Variants in MACROD2 observed in about 807,000 individuals in gnomAD.
MACROD2 encodes ADP-ribose glycohydrolase MACROD2.
Under a neutral mutation model 70.4 loss-of-function variants are expected in MACROD2, and 36 were observed. The observed-to-expected ratio is 0.51, with a 90% CI of 0.39 to 0.68. The LOEUF (loss-of-function observed/expected upper bound fraction) is 0.68, where lower values mean the gene tolerates loss of function less well. Among genes scored for constraint, MACROD2 ranks in the 30% least tolerant of loss-of-function variants. The pLI is 0.00. For missense variants in MACROD2, 496 were observed against 538.4 expected (o/e 0.92, Z 0.78); for synonymous variants, 172 against 178.8 (o/e 0.96, Z 0.30).
At chr20:15,478,908 G>A (rs569859326) in intron 7 of MACROD2, among the ~76,000 whole-genome samples, 8 of 152,278 alleles carry the variant, frequency 5.3e-5, no homozygotes, top group East Asian at 1.9e-4. Context: ...GTCCTGCTGC[G>A]TGACCAATCT....
intron 5 of MACROD2, among the ~76,000 whole-genome samples, chr20:14,760,512 G>A (rs2072002233): frequency 6.6e-6 from 1 of 151,934 alleles, no homozygotes; most frequent in Admixed American, 6.6e-5. Context: ...TATTATTACT[G>A]AACACAGTCC....
chr20:15,164,074 AT>A (rs1279955117), intron 5 of MACROD2, among the ~76,000 whole-genome samples: 1 of 152,134 alleles, frequency 6.6e-6, no homozygotes, highest in African/African-American at 2.4e-5. Context: ...GAAAATAACA[AT>A]TGTTATTTCG....
intron 3 of MACROD2, among the ~76,000 whole-genome samples, chr20:14,378,098 G>C (rs957604972): frequency 6.6e-6 from 1 of 152,178 alleles, no homozygotes; most frequent in Non-Finnish European, 1.5e-5. Context: ...CTTATTGAAA[G>C]ACAAATTGCT....
intron 8 of MACROD2, among the ~76,000 whole-genome samples, chr20:15,509,096 A>AT (rs2047465687): frequency 6.6e-6 from 1 of 152,196 alleles, no homozygotes; most frequent in Non-Finnish European, 1.5e-5. Flanking sequence ...AACCTGTGCT[A>AT]TGTTGAACCA....
intron 2 of MACROD2, among the ~76,000 whole-genome samples, chr20:14,042,671 T>C (rs2053409300): frequency 6.6e-6 from 1 of 152,182 alleles, no homozygotes; most frequent in South Asian, 2.1e-4. Flanking sequence ...AGTTAATTTT[T>C]GTATTTTTAG....
intron 7 of MACROD2, among the ~76,000 whole-genome samples, chr20:15,464,625 T>C (rs2046861420): frequency 6.6e-6 from 1 of 152,210 alleles, no homozygotes; most frequent in African/African-American, 2.4e-5. Flanking sequence ...TGCCTTAGCT[T>C]TATCCCACTC....
intron 5 of MACROD2, among the ~76,000 whole-genome samples, chr20:14,727,796 C>T (rs1288669121): frequency 6.6e-6 from 1 of 152,092 alleles, no homozygotes; most frequent in Non-Finnish European, 1.5e-5. Context: ...AGGGATTGCT[C>T]CTGGAAGCTC....
chr20:14,211,339 AG>A (rs1196414676), intron 3 of MACROD2, among the ~76,000 whole-genome samples: 2 of 152,076 alleles, frequency 1.3e-5, no homozygotes, highest in African/African-American at 2.4e-5. Flanking sequence ...GAAAATCAAA[AG>A]TTTTTTTTTT....
At chr20:14,754,953 A>G (rs1473744831) in intron 5 of MACROD2, among the ~76,000 whole-genome samples, 1 of 152,004 alleles carries the variant, frequency 6.6e-6, no homozygotes, top group Non-Finnish European at 1.5e-5. Flanking sequence ...TTAAGGTCTC[A>G]TGACCCTAAA....
At chr20:15,005,023 C>T (rs907292275) in intron 5 of MACROD2, among the ~76,000 whole-genome samples, 6 of 152,050 alleles carry the variant, frequency 3.9e-5, no homozygotes, top group African/African-American at 7.2e-5. Flanking sequence ...GGTGGAACAA[C>T]AATGTATTCA....
At chr20:15,698,019 CT>C (rs1347915981) in intron 8 of MACROD2, among the ~76,000 whole-genome samples, 1 of 152,160 alleles carries the variant, frequency 6.6e-6, no homozygotes, top group African/African-American at 2.4e-5. Context: ...CTGCAGTTCT[CT>C]GTCTTTCAAG....
At chr20:15,726,139 T>G (rs1299766564) in intron 8 of MACROD2, among the ~76,000 whole-genome samples, 1 of 152,138 alleles carries the variant, frequency 6.6e-6, no homozygotes, top group African/African-American at 2.4e-5. Context: ...TGACCATGTG[T>G]GTTAAATGTT....
intron 8 of MACROD2, among the ~76,000 whole-genome samples, chr20:15,723,310 G>T (rs576048219): frequency 6.6e-6 from 1 of 152,014 alleles, no homozygotes; most frequent in Non-Finnish European, 1.5e-5. Context: ...AAAATACATA[G>T]CTTACATTAG....
rs1371516866 is a variant in MACROD2 at position 16,051,385 on chromosome 20, T to G, written c.*1509T>G. 2 of 152,212 alleles carry G rather than the reference T, an allele frequency of 1.3e-5. No individual in the cohort carries two copies. The highest frequency in any genetic ancestry group is 2.9e-5 in the Non-Finnish European group (2 of 68,038). The allele number at this position is 152,212 out of a possible 1,614,324, so 9.4% of individuals were successfully genotyped here. The stretch of plus-strand genomic sequence containing the variant: ...AAAATTCATCTTATCTTCCTATGAC[T>G]TTGGTTTTAGCCTTTCTGAATTTGT... On this transcript the variant is annotated 3_prime_UTR_variant, in exon 18 of 18. Transcript: ENST00000684519.
intron 3 of MACROD2, among the ~76,000 whole-genome samples, chr20:14,381,085 A>C (rs2083416259): frequency 1.3e-5 from 2 of 152,166 alleles, no homozygotes; most frequent in Non-Finnish European, 2.9e-5. Flanking sequence ...TCTTAAACAC[A>C]GTTCCCTAAT....
intron 5 of MACROD2, among the ~76,000 whole-genome samples, chr20:14,920,080 C>T (rs1427762287): frequency 6.6e-6 from 1 of 152,178 alleles, no homozygotes. Context: ...CTGCAGAAAC[C>T]TCTTCCCCTT....
chr20:14,993,461 CTG>C (rs781223765), intron 5 of MACROD2, among the ~76,000 whole-genome samples: 14 of 152,046 alleles, frequency 9.2e-5, no homozygotes, highest in South Asian at 2.1e-4. Flanking sequence ...TTCCCATTTT[CTG>C]TGTGTCTTTA....
intron 3 of MACROD2, among the ~76,000 whole-genome samples, chr20:14,399,207 G>C (rs957884862): frequency 6.6e-6 from 1 of 152,090 alleles, no homozygotes; most frequent in African/African-American, 2.4e-5. Context: ...GTATGATAGA[G>C]ACAGGGTTTC....
At chr20:14,020,481 A>G (rs540073795) in intron 2 of MACROD2, among the ~76,000 whole-genome samples, 1 of 152,328 alleles carries the variant, frequency 6.6e-6, no homozygotes, top group East Asian at 1.9e-4. Flanking sequence ...CTCAAAAAAA[A>G]TAAAATTAAA....
Sources: gnomAD v4.1 joint callset for allele counts (sites outside exome capture counted in the v4.1 genomes callset) on GRCh38, gnomAD v4.1.1 for gene constraint, MANE v1.5 for transcripts, NCBI Gene and HGNC (gene_info 2026-07-23, HGNC 2026-07-21) for gene names.